NDUFB2: variants seen among roughly 807,000 people sequenced by gnomAD.
NDUFB2 encodes the protein NADH dehydrogenase [ubiquinone] 1 beta subcomplex subunit 2, mitochondrial.
A neutral mutation model predicts 13.4 loss-of-function variants in NDUFB2; 13 were observed. The ratio of observed to expected loss-of-function variants is 0.97; its 90% CI spans 0.63 to 1.54. The LOEUF (loss-of-function observed/expected upper bound fraction) is 1.54, where lower values mean the gene tolerates loss of function less well. NDUFB2 is among the 40% of genes most tolerant of loss of function. The pLI, the probability that NDUFB2 is intolerant of heterozygous loss-of-function variation, is 0.00. For missense variants in NDUFB2, 150 were observed against 139.7 expected, an observed-to-expected ratio of 1.07 and a Z score of -0.37; for synonymous variants, 47 against 50.6, an observed-to-expected ratio of 0.93 and a Z score of 0.30.
intron 2 of NDUFB2, 114 bp downstream of exon 2, chr7:140,703,124 C>A: frequency 7.6e-7 from 1 of 1,314,300 alleles, no homozygotes; most frequent in Non-Finnish European, 1.1e-6. Context: ...TCGCCCTTTG[C>A]CACCACTTTT....
intron 1 of NDUFB2, 93 bp downstream of exon 1, chr7:140,696,935 A>C: frequency 1.7e-6 from 2 of 1,210,410 alleles, no homozygotes; most frequent in Admixed American, 2.1e-5. Flanking sequence ...GCGCCTGAAG[A>C]GGCCGCGTCC....
chr7:140,698,378 A>G (rs1794848209), intron 1 of NDUFB2: 38 of 1,251,908 alleles, frequency 3.0e-5, no homozygotes, highest in Non-Finnish European at 3.9e-5. Flanking sequence ...TGCTGAGGAT[A>G]TAGCAGAATA....
intron 1 of NDUFB2, chr7:140,701,918 AGAGT>A: frequency 5.2e-6 from 3 of 577,792 alleles, no homozygotes; most frequent in Middle Eastern, 2.6e-4. Context: ...CCTGGGTGAC[AGAGT>A]GAGACTCTCG....
chr7:140,696,862 T>TG lies in NDUFB2; in HGVS notation c.98+25dup. ...CCGTCAGTGAGTGTGGGGCTGGGGA[T>TG]GGGGGCCTCGCCGGCCTGTAGCGGA... On this transcript the variant is annotated intron_variant, in intron 1 of 3. Coordinates refer to ENST00000247866, the MANE Select transcript of NDUFB2 (RefSeq NM_004546.3). The TG allele has an allele frequency of 6.3e-7, 1 of 1,585,724 alleles. No homozygotes were observed.
Position 140,704,949 on chromosome 7 carries a change from CCTCA to C in NDUFB2, c.*19_*22del. ...ATGAAGACTGAAGGTGTAGACTCAG[CCTCA>C]CTCTGTACAAGTGGGTGTGCTCCAA... On this transcript the variant is annotated 3_prime_UTR_variant, in exon 3 of 4. Transcript: ENST00000247866. The C allele has an allele frequency of 2.6e-6, 4 of 1,554,014 alleles. No homozygotes were observed. The highest frequency in any genetic ancestry group is 3.5e-6 in the Non-Finnish European group (4 of 1,145,256).
At chr7:140,700,018 CCTACTTCAGGTTATGATTAAAA>C (rs1794874050) in intron 1 of NDUFB2, among the ~76,000 whole-genome samples, 1 of 151,532 alleles carries the variant, frequency 6.6e-6, no homozygotes, top group Admixed American at 6.6e-5. Flanking sequence ...TTTTGCAGTC[CCTACTTCAGGTTATGATTAAAA>C]CAACATGTCA....
At chr7:140,697,698 G>A (rs1352250884) in intron 1 of NDUFB2, among the ~76,000 whole-genome samples, 2 of 152,176 alleles carry the variant, frequency 1.3e-5, no homozygotes, top group South Asian at 2.1e-4. Flanking sequence ...GCCGCACAGT[G>A]GCTGGGTTCA....
rs746786915 is a variant in NDUFB2, at chr7:140,696,790, C to T, written c.46C>T (p.Arg16Cys). ...GGCGTCTTTCGCTCGCGTTGGAGGC[C>T]GCCTTTTCAGAAGCGGCTGCGCACG... ...RLASFARVGG[R>C]LFRSGCARTA... Residue 16 changes from arginine (R) to cysteine (C), a missense_variant, in exon 1 of 4, where the codon CGC (arginine) becomes TGC (cysteine). Transcript: ENST00000247866. 10 of 1,608,844 alleles carry T rather than the reference C, an allele frequency of 6.2e-6. No individual in the cohort carries two copies. Among genetic ancestry groups the T allele is most frequent in the South Asian group, 2.2e-5 (2 of 90,236 alleles).
intron 3 of NDUFB2, among the ~76,000 whole-genome samples, chr7:140,705,938 A>C (rs1794961203): frequency 6.6e-6 from 1 of 152,040 alleles, no homozygotes; most frequent in African/African-American, 2.4e-5. Context: ...GGTACTAAGA[A>C]GGTTCCCTTT....
intron 1 of NDUFB2, chr7:140,697,055 C>G (rs926495403): frequency 1.7e-6 from 1 of 600,036 alleles, no homozygotes. Context: ...AGATGGGACA[C>G]CGTGTGCAGG....
intron 1 of NDUFB2, chr7:140,697,518 TA>T: frequency 4.6e-6 from 2 of 436,370 alleles, no homozygotes; most frequent in Non-Finnish European, 7.4e-6. Context: ...GGGTGCGAGG[TA>T]GGGAGCGGGT....
rs750707975 is a variant in NDUFB2 at position 140,696,751 on chromosome 7, G to A, written c.7G>A (p.Ala3Thr). The change falls in exon 1 of 4, where the codon GCT becomes ACT. Residue 3 changes from alanine (A) to threonine (T), a missense_variant. Ala to Thr is a moderately conservative substitution (Grantham distance 58). Coordinates refer to ENST00000247866, the MANE Select transcript of NDUFB2 (RefSeq NM_004546.3). MSALTRLASFARV... is the reference protein window; with the variant it reads MSTLTRLASFARV... Reference sequence around the variant, plus strand: ...GGGGCGGACGGGAGCGAGTATGTCCGCTCTGACTCGGCTGGCGTCTTTCGC... The same window carrying A: ...GGGGCGGACGGGAGCGAGTATGTCCACTCTGACTCGGCTGGCGTCTTTCGC... 3 of 1,595,362 alleles carry A rather than the reference G, an allele frequency of 1.9e-6. No individual in the cohort carries two copies. Among genetic ancestry groups the A allele is most frequent in the African/African-American group, 1.3e-5 (1 of 74,420 alleles).
rs1444245079 is a variant in NDUFB2 at position 140,702,964 on chromosome 7, G to A, written c.197G>A (p.Trp66Ter). ...FQSEFFSGLM[W>*]FWILWRFWHD... ...AGCGAGTTCTTCAGCGGACTCATGT[G>A]GTTCTGGATTCTCTGGCGCTTTTGG... Residue 66 changes from tryptophan to a stop codon, truncating the protein, a stop_gained, in exon 2 of 4, where the codon TGG (tryptophan) becomes TAG (stop). Transcript: ENST00000247866. LOFTEE classifies it high-confidence loss of function. The A allele has an allele frequency of 3.1e-6, 5 of 1,613,980 alleles. No individual in the cohort carries two copies. Among genetic ancestry groups the A allele is most frequent in the Middle Eastern group, 1.6e-4 (1 of 6,084 alleles).
At chr7:140,703,128 C>A in intron 2 of NDUFB2, 118 bp downstream of exon 2, 2 of 1,234,196 alleles carry the variant, frequency 1.6e-6, no homozygotes, top group Non-Finnish European at 2.3e-6. Flanking sequence ...CCTTTGCCAC[C>A]ACTTTTTCCA....
chr7:140,698,234 C>T (rs563806087), intron 1 of NDUFB2: 8 of 1,351,720 alleles, frequency 5.9e-6, no homozygotes, highest in Non-Finnish European at 7.8e-6. Context: ...CTTGGTCCTG[C>T]ATGAGGAGAT....
Sources: gnomAD v4.1 joint callset for allele counts (sites outside exome capture counted in the v4.1 genomes callset) on GRCh38, gnomAD v4.1.1 for gene constraint, MANE v1.5 for transcripts, NCBI Gene and HGNC (gene_info 2026-07-23, HGNC 2026-07-21) for gene names.